The following PWWP2A variants were observed in gnomAD, a reference collection of about 807,000 sequenced individuals.
PWWP2A encodes PWWP domain-containing protein 2A.
Under a neutral mutation model 48.5 loss-of-function variants are expected in PWWP2A, and 18 were observed. That is an observed-to-expected ratio of 0.37 (90% CI 0.26 to 0.55). PWWP2A has a LOEUF of 0.55. Among genes scored for constraint, PWWP2A ranks in the 20% least tolerant of loss-of-function variants. The probability of loss-of-function intolerance (pLI) is 0.81; values close to 1 mark genes in which losing one functional copy is unlikely to be tolerated. For synonymous variants in PWWP2A, 396 were observed against 387.7 expected, an observed-to-expected ratio of 1.02 and a Z score of -0.25; for missense variants, 867 against 976.4, an observed-to-expected ratio of 0.89 and a Z score of 1.49.
At chr5:160,080,269 T>C (rs1475768481) in intron 3 of PWWP2A, among the ~76,000 whole-genome samples, 2 of 152,048 alleles carry the variant, frequency 1.3e-5, no homozygotes, top group African/African-American at 4.8e-5. Context: ...TTAATGAATA[T>C]AAAAGTGACA....
chr5:160,115,777 C>T (rs998707776), intron 1 of PWWP2A, among the ~76,000 whole-genome samples: 3 of 151,482 alleles, frequency 2.0e-5, no homozygotes, highest in South Asian at 2.1e-4. Context: ...GGTGGAAGAA[C>T]GCAGTGAGCT....
chr5:160,074,036 GC>G (rs1442885295), downstream of PWWP2A, among the ~76,000 whole-genome samples: 1 of 149,650 alleles, frequency 6.7e-6, no homozygotes, highest in Admixed American at 6.7e-5. Context: ...CTGCACTCCA[GC>G]CTGGGTGACA....
At chr5:160,066,295 CA>C (rs1753605712) in intron 4 of PWWP2A, among the ~76,000 whole-genome samples, 3 of 57,954 alleles carry the variant, frequency 5.2e-5, no homozygotes, top group Non-Finnish European at 1.2e-4. Context: ...AAGTGGTTCT[CA>C]TTTTTTTTTT....
chr5:160,099,722 G>A lies in PWWP2A; in HGVS notation c.585-5657C>T, dbSNP rs527389389. Among the ~76,000 whole-genome samples, 7 of 150,272 alleles carry A rather than the reference G, an allele frequency of 4.7e-5. No individual in the cohort carries two copies. The South Asian group carries it at 1.5e-3, about 32-fold the overall frequency. ...AAACAGAGTCTCACTCTGCTGCCCA[G>A]GCTAGAGCGCAGTGGCCTGATTTCA... On this transcript the variant is annotated intron_variant, in intron 1 of 1. Coordinates refer to ENST00000307063, the MANE Select transcript of PWWP2A (RefSeq NM_001130864.2).
chr5:160,104,122 C>CAAAAAAAAAAAAAAAAAA, intron 1 of PWWP2A, among the ~76,000 whole-genome samples: 1 of 61,758 alleles, frequency 1.6e-5, no homozygotes, highest in Non-Finnish European at 2.9e-5. Flanking sequence ...GACTCTGTCT[C>CAAAAAAAAAAAAAAAAAA]AAAAAAAAAA....
In PWWP2A at chr5:160,117,239, C is replaced by T. The variant is rs527766977; in HGVS notation, c.584+1566G>A. On this transcript the variant is annotated intron_variant, in intron 1 of 1. Coordinates refer to ENST00000307063, the MANE Select transcript of PWWP2A (RefSeq NM_001130864.2). ...CTTTGGAAGGCCAAGGCAGTAGGATCGCTTGAGCCCAGGAGTCTGAGACCA... is the reference window on the plus strand; with the variant it reads ...CTTTGGAAGGCCAAGGCAGTAGGATTGCTTGAGCCCAGGAGTCTGAGACCA... Among the ~76,000 whole-genome samples, 256 of 152,234 alleles carry T rather than the reference C, an allele frequency of 1.7e-3. 2 individuals are homozygous for T. Among genetic ancestry groups the T allele is most frequent in the African/African-American group, 6.0e-3 (248 of 41,540 alleles).
chr5:160,115,585 C>T (rs1437889770), intron 1 of PWWP2A, among the ~76,000 whole-genome samples: 2 of 151,394 alleles, frequency 1.3e-5, no homozygotes, highest in Non-Finnish European at 2.9e-5. Context: ...CCCAGCTACT[C>T]GGGAGGCTGA....
intron 1 of PWWP2A, 89 bp downstream of exon 1, chr5:160,118,716 A>C: frequency 1.1e-5 from 13 of 1,233,612 alleles, no homozygotes; most frequent in East Asian, 6.4e-5. Context: ...GCAGCGGGGA[A>C]GCGAGGGCTC....
chr5:160,092,788 G>A lies in PWWP2A; in HGVS notation c.1862C>T (p.Ser621Phe), dbSNP rs1755215213. 1.3e-6 allele frequency: 2 copies of A among 1,551,566 alleles called. No individual in the cohort carries two copies. Among genetic ancestry groups the A allele is most frequent in the Admixed American group, 2.0e-5 (1 of 50,976 alleles). The change falls in exon 2 of 2, where the codon TCC becomes TTC. Residue 621 changes from serine (S) to phenylalanine (F), a missense_variant. Ser to Phe is a radical substitution (Grantham distance 155, BLOSUM62 -2). This residue lies in a region of PWWP2A where 382 missense variants were observed against 407.2 expected (regional missense o/e 0.94). Transcript: ENST00000307063. ...GAGCTTTTTCTCTTCCTTTGAAGAG[G>A]AGGAAGTGGAGGAGGTGGAAGGTGC... ...MHAPSTSSTS[S>F]SSKEEKKLSN... is the part of the protein sequence containing the mutation.
chr5:160,083,904 C>T (rs1754425722), intron 2 of PWWP2A, among the ~76,000 whole-genome samples: 1 of 152,104 alleles, frequency 6.6e-6, no homozygotes, highest in African/African-American at 2.4e-5. Flanking sequence ...CTCCTTTAAC[C>T]ATAATCCTCA....
chr5:160,111,013 T>C (rs1757509705), intron 1 of PWWP2A, among the ~76,000 whole-genome samples: 1 of 148,298 alleles, frequency 6.7e-6, no homozygotes, highest in African/African-American at 2.5e-5. Context: ...CAATGACTTA[T>C]TATTTTGCCT....
At chr5:160,049,924 A>G in the PWWP2A span, among the ~76,000 whole-genome samples, 1 of 152,000 alleles carries the variant, frequency 6.6e-6, no homozygotes, top group Non-Finnish European at 1.5e-5. Flanking sequence ...CTAAAAATAC[A>G]AAAAATTAGC....
Position 160,092,272 on chromosome 5 carries a change from G to C in PWWP2A, c.*110C>G, listed in dbSNP as rs1755161015. On this transcript the variant is annotated 3_prime_UTR_variant, in exon 2 of 2. Transcript: ENST00000307063. ...AAGTATTAAAAAGCCAGCCAACTGAGTGCAACTTCTCTCTCCAATCTGGCC... is the reference window on the plus strand; with the variant it reads ...AAGTATTAAAAAGCCAGCCAACTGACTGCAACTTCTCTCTCCAATCTGGCC... 1 of 1,432,038 alleles carries C rather than the reference G, an allele frequency of 7.0e-7. No individual in the cohort carries two copies. Among genetic ancestry groups the C allele is most frequent in the Admixed American group, 2.9e-5 (1 of 34,740 alleles). 88.7% of individuals were successfully genotyped at this position (1,432,038 alleles called of 1,614,324 possible). A position where few individuals can be genotyped will look rare whatever the true frequency, so the allele number is the denominator to read the frequency against.
chr5:160,088,826 C>T (rs1754842787), downstream of PWWP2A, among the ~76,000 whole-genome samples: 1 of 152,164 alleles, frequency 6.6e-6, no homozygotes, highest in Admixed American at 6.5e-5. Flanking sequence ...ATTTTAGATA[C>T]AAATTATAGA....
At chr5:160,076,402 A>G (rs1467859083) in exon 4 of PWWP2A, 1 of 152,242 alleles carries the variant, frequency 6.6e-6, no homozygotes, top group Non-Finnish European at 1.5e-5. Flanking sequence ...CTGAAAGAAC[A>G]AGACTGACCC....
chr5:160,110,168 ACAC>A (rs1165925666), intron 1 of PWWP2A, among the ~76,000 whole-genome samples: 1 of 151,414 alleles, frequency 6.6e-6, no homozygotes, highest in Non-Finnish European at 1.5e-5. Context: ...TTACAGGCAC[ACAC>A]CACCACAGCC....
intron 1 of PWWP2A, among the ~76,000 whole-genome samples, chr5:160,112,289 C>T (rs1757674195): frequency 6.6e-6 from 1 of 152,068 alleles, no homozygotes; most frequent in Non-Finnish European, 1.5e-5. Context: ...GGTGCGATCT[C>T]GGCTCACTGC....
At chr5:160,048,126 C>CTTTTTTTTTTTTTTTTTTTT in the PWWP2A span, among the ~76,000 whole-genome samples, 1 of 35,538 alleles carries the variant, frequency 2.8e-5, no homozygotes, top group Non-Finnish European at 4.7e-5. Context: ...CAAGACATTG[C>CTTTTTTTTTTTTTTTTTTTT]TTTTTTTTTT....
intron 1 of PWWP2A, among the ~76,000 whole-genome samples, chr5:160,101,656 A>T (rs114938417): frequency 2.0e-5 from 3 of 149,330 alleles, no homozygotes; most frequent in Admixed American, 2.0e-4. Flanking sequence ...ACATTTTGTT[A>T]TTTTTTTTTT....
Sources: allele counts gnomAD v4.1 joint callset (sites outside exome capture counted in the v4.1 genomes callset), GRCh38; gene constraint gnomAD v4.1.1; regional missense constraint gnomAD v4.1.1; transcripts MANE v1.5; gene names NCBI Gene and HGNC (gene_info 2026-07-23, HGNC 2026-07-21).